USE1: variants seen among roughly 807,000 people sequenced by gnomAD.
USE1 encodes vesicle transport protein USE1.
Under a neutral mutation model 37.6 loss-of-function variants are expected in USE1, and 32 were observed. That is an observed-to-expected ratio of 0.85 (90% CI 0.64 to 1.14). The LOEUF (loss-of-function observed/expected upper bound fraction) is 1.14. Ranked by LOEUF, USE1 falls within the 50% of genes most tolerant of loss-of-function variation. The pLI, the probability that USE1 is intolerant of heterozygous loss-of-function variation, is 0.00. For missense variants in USE1, 310 were observed against 332.2 expected (o/e 0.93, Z 0.52); for synonymous variants, 149 against 137.6 (o/e 1.08, Z -0.58).
chr19:17,215,957 G>A, intron 2 of USE1, 35 bp from the exon 3 acceptor site: 1 of 1,585,272 alleles, frequency 6.3e-7, no homozygotes, highest in Non-Finnish European at 8.6e-7. Context: ...TGGGGACCAT[G>A]GACAGGTTTT....
intron 6 of USE1, chr19:17,218,700 G>A (rs540840158): frequency 7.7e-5 from 20 of 258,562 alleles, no homozygotes; most frequent in Non-Finnish European, 1.1e-4. Flanking sequence ...GGTGGCATGC[G>A]CCTGTAGTCC....
chr19:17,217,382 C>T (rs534941119), intron 4 of USE1, 71 bp from the exon 5 acceptor site: 3 of 1,571,270 alleles, frequency 1.9e-6, no homozygotes, highest in East Asian at 4.6e-5. Context: ...GTGATCTGCC[C>T]ACCTTGGCCT....
At position 17,216,226 on chromosome 19, in the gene USE1, A is replaced by ACCACAGCCAGAGAGCGAGTGCCCG; in HGVS notation, c.295_318dup (p.Ala99_Thr106dup). On this transcript the variant is annotated inframe_insertion, in exon 4 of 8. Coordinates refer to ENST00000263897, the MANE Select transcript of USE1 (RefSeq NM_018467.4). ...GTTCCTGGCCCCTGGCCGTGTGCCA[A>ACCACAGCCAGAGAGCGAGTGCCCG]CCACAGCCAGAGAGCGAGTGCCCGC... 1 of 1,612,868 alleles carries ACCACAGCCAGAGAGCGAGTGCCCG rather than the reference A, an allele frequency of 6.2e-7. No homozygotes were observed. The highest frequency in any genetic ancestry group is 1.3e-5 in the African/African-American group (1 of 75,052).
At position 17,216,055 on chromosome 19, in the gene USE1, G is replaced by C; in HGVS notation, c.216G>C (p.Leu72=). 2.5e-6 allele frequency: 4 copies of C among 1,612,100 alleles called. No homozygotes were observed. The highest frequency in any genetic ancestry group is 2.5e-6 in the Non-Finnish European group (3 of 1,179,118). ...AGGTGGATTTTCTGAAGGGGATGCTGCAAGCCGAGAAGCTGGTGAGAAGGG... is the reference window on the plus strand; with the variant it reads ...AGGTGGATTTTCTGAAGGGGATGCTCCAAGCCGAGAAGCTGGTGAGAAGGG... ...SWKVDFLKGM[L]QAEKLTSSSE... Residue 72 remains leucine, a synonymous_variant, in exon 3 of 8, where the codon CTG becomes CTC. Transcript: ENST00000263897.
At chr19:17,217,804 C>G in intron 5 of USE1, 1 of 395,672 alleles carries the variant, frequency 2.5e-6, no homozygotes, top group Non-Finnish European at 5.0e-6. Context: ...CCCAGCTACT[C>G]GGGAGGCTGA....
chr19:17,218,079 G>GAGC (rs2073301510), intron 5 of USE1: 1 of 397,522 alleles, frequency 2.5e-6, no homozygotes, highest in Admixed American at 4.1e-5. Flanking sequence ...GAGAGACTCT[G>GAGC]TCTCAAAAAT....
At chr19:17,218,433 G>T (rs1271360788) in intron 6 of USE1, 42 bp downstream of exon 6, 2 of 1,613,162 alleles carry the variant, frequency 1.2e-6, no homozygotes, top group Non-Finnish European at 8.5e-7. Context: ...CAATTGGGCG[G>T]TGCGGCAGGG....
chr19:17,218,475 C>G, intron 6 of USE1, 84 bp downstream of exon 6: 1 of 1,560,576 alleles, frequency 6.4e-7, no homozygotes, highest in Non-Finnish European at 8.7e-7. Context: ...CCTGGACCAC[C>G]GAGGCACTAC....
At chr19:17,218,908 C>A (rs34164098) in intron 6 of USE1, 1 of 188,052 alleles carries the variant, frequency 5.3e-6, no homozygotes, top group East Asian at 1.4e-4. Flanking sequence ...GCAGGTGGAT[C>A]ACGAGGTCAG....
At chr19:17,219,071 G>A in intron 6 of USE1, 142 bp from the exon 7 acceptor site, 4 of 1,243,308 alleles carry the variant, frequency 3.2e-6, no homozygotes, top group Non-Finnish European at 4.3e-6. Context: ...AGGTTGCAGT[G>A]AGCCGAGATC....
chr19:17,217,261 A>G (rs2073296479), intron 4 of USE1, among the ~76,000 whole-genome samples, 192 bp from the exon 5 acceptor site: 1 of 150,684 alleles, frequency 6.6e-6, no homozygotes, highest in Non-Finnish European at 1.5e-5. Context: ...TCAGCCTCCC[A>G]AGTCACTAGG....
Position 17,219,262 on chromosome 19 carries a change from C to G in USE1, c.472C>G (p.Leu158Val). The G allele has an allele frequency of 6.2e-7, 1 of 1,613,830 alleles. No individual in the cohort carries two copies. The highest frequency in any genetic ancestry group is 8.5e-7 in the Non-Finnish European group (1 of 1,179,852). Residue 158 changes from leucine to valine, a missense_variant, in exon 7 of 8, where the codon CTA (leucine) becomes GTA (valine). Leu to Val is a conservative substitution (Grantham distance 32). Coordinates refer to ENST00000263897, the MANE Select transcript of USE1 (RefSeq NM_018467.4). Reference sequence around the variant, plus strand: ...GAGTGAGAAGCAGTTGGCAGCTGAGCTAGACCTCGTCCTGCAGCGACATCA... The same window carrying G: ...GAGTGAGAAGCAGTTGGCAGCTGAGGTAGACCTCGTCCTGCAGCGACATCA... ...PVSEKQLAAE[L>V]DLVLQRHQNL...
intron 5 of USE1, 52 bp downstream of exon 5, chr19:17,217,514 A>G: frequency 6.2e-7 from 1 of 1,604,246 alleles, no homozygotes; most frequent in Non-Finnish European, 8.5e-7. Context: ...CTAGGACAAG[A>G]CATGTATCCT....
At position 17,219,297 on chromosome 19, in the gene USE1, G is replaced by A. The variant is rs1291042506; in HGVS notation, c.507G>A (p.Gln169=). Residue 169 remains glutamine (Q), a synonymous_variant, in exon 7 of 8, where the codon CAG becomes CAA. Coordinates refer to ENST00000263897, the MANE Select transcript of USE1 (RefSeq NM_018467.4). ...DLVLQRHQNL[Q]EKLAEEMLGL... ...TCCTGCAGCGACATCAGAACCTCCA[G>A]GAAAAGCTGGCGGAAGAGATGCTAG... The A allele has an allele frequency of 1.2e-6, 2 of 1,613,188 alleles. No homozygotes were observed. The highest frequency in any genetic ancestry group is 1.7e-6 in the Non-Finnish European group (2 of 1,179,644).
chr19:17,219,485 A>T (rs1194478980), intron 7 of USE1, 98 bp downstream of exon 7: 12 of 1,443,416 alleles, frequency 8.3e-6, no homozygotes, highest in Non-Finnish European at 9.3e-7. Context: ...CGGGATGAAT[A>T]GGAGTTTCGT....
At chr19:17,217,631 G>A (rs746034914) in intron 5 of USE1, 169 bp downstream of exon 5, 49 of 1,032,784 alleles carry the variant, frequency 4.7e-5, no homozygotes, top group Non-Finnish European at 6.7e-5. Context: ...GGCCCCGAGA[G>A]GAAACAAAGC....
intron 6 of USE1, 71 bp downstream of exon 6, chr19:17,218,462 A>G: frequency 6.3e-7 from 1 of 1,595,632 alleles, no homozygotes; most frequent in Non-Finnish European, 8.6e-7. Flanking sequence ...GCAGTGGCCA[A>G]ACCCTGGACC....
rs2073281951 is a variant in USE1 at position 17,215,448 on chromosome 19, T to C, written c.43T>C (p.Ser15Pro). The change falls in exon 1 of 8, where the codon TCC becomes CCC. Residue 15 changes from serine (S) to proline (P), a missense_variant. Transcript: ENST00000263897. Reference sequence around the variant, plus strand: ...GGAGCTAAACCTGGTGCGGCTGCTATCCCGCTGCGAGGCGATGGCAGCGGA... The same window carrying C: ...GGAGCTAAACCTGGTGCGGCTGCTACCCCGCTGCGAGGCGATGGCAGCGGA... ...RLELNLVRLL[S>P]RCEAMAAEKR... 6.4e-7 allele frequency: 1 copy of C among 1,563,134 alleles called. No individual in the cohort carries two copies. The highest frequency in any genetic ancestry group is 8.7e-7 in the Non-Finnish European group (1 of 1,155,550).
chr19:17,217,722 G>T (rs1234700480), intron 5 of USE1: 4 of 519,962 alleles, frequency 7.7e-6, no homozygotes, highest in Non-Finnish European at 1.5e-5. Flanking sequence ...GACCAACCTG[G>T]CCAACATGAC....
Sources: gnomAD v4.1 joint callset for allele counts (sites outside exome capture counted in the v4.1 genomes callset) on GRCh38, gnomAD v4.1.1 for gene constraint, MANE v1.5 for transcripts, NCBI Gene and HGNC (gene_info 2026-07-23, HGNC 2026-07-21) for gene names.